Variants in TNIK observed in about 807,000 individuals in gnomAD.
TNIK encodes TRAF2 and NCK interacting kinase.
A neutral mutation model predicts 191.3 loss-of-function variants in TNIK; 49 were observed. That is an observed-to-expected ratio of 0.26 (90% confidence interval 0.20 to 0.32). The LOEUF (loss-of-function observed/expected upper bound fraction) is 0.32, where lower values mean the gene tolerates loss of function less well. Ranked by LOEUF, TNIK falls within the 10% of genes least tolerant of loss-of-function variation. TNIK has a pLI of 1.00. For missense variants in TNIK, 1,155 were observed against 1,702.3 expected (o/e 0.68, Z 5.66); for synonymous variants, 594 against 600.9 (o/e 0.99, Z 0.17).
intron 2 of TNIK, among the ~76,000 whole-genome samples, chr3:171,250,202 A>G (rs895594691): frequency 6.6e-6 from 1 of 152,208 alleles, no homozygotes; most frequent in Non-Finnish European, 1.5e-5. Flanking sequence ...TAGCTCATCC[A>G]TACCTGGATG....
At chr3:171,391,474 T>C (rs1024303547) in intron 1 of TNIK, among the ~76,000 whole-genome samples, 3 of 152,250 alleles carry the variant, frequency 2.0e-5, no homozygotes, top group African/African-American at 7.2e-5. Flanking sequence ...GCAACTCTTA[T>C]TGCTGAAGAT....
At chr3:171,455,259 C>CT (rs536615694) in intron 1 of TNIK, among the ~76,000 whole-genome samples, 34 of 149,598 alleles carry the variant, frequency 2.3e-4, no homozygotes, top group Admixed American at 5.3e-4. Context: ...TCTTAGTCTT[C>CT]TTTTTTTTTT....
intron 2 of TNIK, among the ~76,000 whole-genome samples, chr3:171,309,367 C>A (rs1208981172): frequency 6.6e-6 from 1 of 151,884 alleles, no homozygotes; most frequent in Non-Finnish European, 1.5e-5. Context: ...CACCTGGACA[C>A]AAAGAAGGGA....
intron 1 of TNIK, among the ~76,000 whole-genome samples, chr3:171,455,855 TAATGGAGAC>T (rs1728738007): frequency 5.9e-5 from 9 of 152,208 alleles, no homozygotes; most frequent in African/African-American, 2.2e-4. Flanking sequence ...TTCATCCAAC[TAATGGAGAC>T]TATGGCTCCA....
chr3:171,425,826 A>C (rs1355513238), intron 1 of TNIK, among the ~76,000 whole-genome samples: 1 of 26,898 alleles, frequency 3.7e-5, no homozygotes, highest in Non-Finnish European at 8.6e-5. Context: ...AGACTCTGTC[A>C]AAAAAAAAAA....
At chr3:171,172,052 G>T (rs909961919) in intron 9 of TNIK, among the ~76,000 whole-genome samples, 13 of 151,834 alleles carry the variant, frequency 8.6e-5, no homozygotes, top group Non-Finnish European at 1.6e-4. Context: ...CCTGTGAGTG[G>T]TGGTGGTCTC....
chr3:171,074,458 T>C (rs1429423810), intron 28 of TNIK, among the ~76,000 whole-genome samples: 1 of 152,000 alleles, frequency 6.6e-6, no homozygotes, highest in Non-Finnish European at 1.5e-5. Context: ...CTCACCATTA[T>C]GCAATATACC....
At chr3:171,251,221 A>G (rs1359356168) in intron 2 of TNIK, among the ~76,000 whole-genome samples, 1 of 152,236 alleles carries the variant, frequency 6.6e-6, no homozygotes, top group Admixed American at 6.5e-5. Flanking sequence ...GCAGGAACAG[A>G]CAACAGAGAC....
intron 1 of TNIK, among the ~76,000 whole-genome samples, chr3:171,422,317 T>C (rs1421765456): frequency 6.6e-6 from 1 of 152,022 alleles, no homozygotes; most frequent in Admixed American, 6.6e-5. Context: ...ATAAATAAAA[T>C]ATAAACTCCC....
At chr3:171,130,324 CT>C (rs1729068078) in intron 15 of TNIK, among the ~76,000 whole-genome samples, 1 of 152,152 alleles carries the variant, frequency 6.6e-6, no homozygotes, top group South Asian at 2.1e-4. Context: ...CCTCCTGCCT[CT>C]AGTGAGGAGT....
chr3:171,283,585 G>GC (rs1219099275), intron 2 of TNIK, among the ~76,000 whole-genome samples: 1 of 152,176 alleles, frequency 6.6e-6, no homozygotes, highest in Non-Finnish European at 1.5e-5. Context: ...CCTGGCTCCT[G>GC]CCCCCTGTGA....
intron 2 of TNIK, among the ~76,000 whole-genome samples, chr3:171,232,899 A>C (rs774309827): frequency 1.3e-5 from 2 of 152,238 alleles, no homozygotes; most frequent in Non-Finnish European, 2.9e-5. Flanking sequence ...TGAATGCAAG[A>C]GAAAACAACA....
intron 1 of TNIK, among the ~76,000 whole-genome samples, chr3:171,380,637 T>C (rs1349275914): frequency 6.6e-6 from 1 of 152,250 alleles, no homozygotes; most frequent in Non-Finnish European, 1.5e-5. Context: ...AATAGGAGTA[T>C]GAGGCCCCCT....
At chr3:171,418,276 C>A (rs1723338501) in intron 1 of TNIK, among the ~76,000 whole-genome samples, 1 of 152,124 alleles carries the variant, frequency 6.6e-6, no homozygotes, top group Non-Finnish European at 1.5e-5. Context: ...AGTACCCTGG[C>A]AACTTCCATA....
intron 1 of TNIK, among the ~76,000 whole-genome samples, chr3:171,383,131 C>A (rs1718276020): frequency 6.6e-6 from 1 of 152,160 alleles, no homozygotes; most frequent in South Asian, 2.1e-4. Flanking sequence ...CTCCCATGTG[C>A]AATATCTGAA....
intron 2 of TNIK, among the ~76,000 whole-genome samples, chr3:171,343,626 A>G (rs188575950): frequency 6.6e-6 from 1 of 152,354 alleles, no homozygotes; most frequent in East Asian, 1.9e-4. Flanking sequence ...GTCAACCTCT[A>G]GGTGAATGGG....
chr3:171,133,851 T>C (rs1175591088), intron 15 of TNIK, among the ~76,000 whole-genome samples: 2 of 152,126 alleles, frequency 1.3e-5, no homozygotes, highest in Non-Finnish European at 2.9e-5. Context: ...AGTGAACTAA[T>C]GGAAATAAAG....
At chr3:171,153,718 A>T (rs769920032) in intron 12 of TNIK, among the ~76,000 whole-genome samples, 3 of 152,228 alleles carry the variant, frequency 2.0e-5, no homozygotes, top group Admixed American at 6.5e-5. Context: ...AATAAAATTC[A>T]AAAGTAATCA....
At chr3:171,273,265 G>A (rs894305993) in intron 2 of TNIK, among the ~76,000 whole-genome samples, 3 of 152,198 alleles carry the variant, frequency 2.0e-5, no homozygotes, top group Admixed American at 2.0e-4. Context: ...AGGTGAGTCT[G>A]GAGGTTCAAT....
Sources: allele counts gnomAD v4.1 joint callset (sites outside exome capture counted in the v4.1 genomes callset), GRCh38; gene constraint gnomAD v4.1.1; transcripts MANE v1.5; gene names NCBI Gene and HGNC (gene_info 2026-07-23, HGNC 2026-07-21).